The following PPP1R21 variants were observed in gnomAD, a reference collection of about 807,000 sequenced individuals.
PPP1R21 encodes the protein KLRAQ motif containing 1.
In PPP1R21, 85 loss-of-function variants were observed where a neutral mutation model predicts 112.8. That is an observed-to-expected ratio of 0.75 (90% CI 0.63 to 0.90). The LOEUF (loss-of-function observed/expected upper bound fraction) is 0.90, where lower values mean the gene tolerates loss of function less well. Among genes scored for constraint, PPP1R21 ranks in the 40% least tolerant of loss-of-function variants. The pLI is 0.00. For missense variants in PPP1R21, 1,199 were observed against 901.5 expected (o/e 1.33, Z -4.23); for synonymous variants, 381 against 322.3 (o/e 1.18, Z -1.95).
intron 9 of PPP1R21, among the ~76,000 whole-genome samples, chr2:48,470,569 T>A (rs925925969): frequency 6.6e-6 from 1 of 152,106 alleles, no homozygotes; most frequent in Non-Finnish European, 1.5e-5. Flanking sequence ...AATTACATCC[T>A]TGGAATTTGT....
intron 9 of PPP1R21, among the ~76,000 whole-genome samples, chr2:48,468,762 C>T (rs558795872): frequency 6.6e-6 from 1 of 151,746 alleles, no homozygotes; most frequent in East Asian, 1.9e-4. Flanking sequence ...TTGCAGTGAG[C>T]CAAGACTGTG....
At chr2:48,475,767 A>G (rs963519266) in intron 12 of PPP1R21, among the ~76,000 whole-genome samples, 2 of 152,180 alleles carry the variant, frequency 1.3e-5, no homozygotes, top group African/African-American at 4.8e-5. Flanking sequence ...GAATCGCGTG[A>G]GCCTGGGAGG....
At position 48,475,289 on chromosome 2, in the gene PPP1R21, G is replaced by T. The variant is rs564475632; in HGVS notation, c.1225+470G>T. Among the ~76,000 whole-genome samples, 3 of 152,100 alleles carry T rather than the reference G, an allele frequency of 2.0e-5. No individual in the cohort carries two copies. In the South Asian group the frequency reaches 6.2e-4, roughly 32 times the overall value. On this transcript the variant is annotated intron_variant, in intron 12 of 21. Transcript: ENST00000294952. ...GATCACTTGAGCCAAGGAGGTTAAGGCTGCAGTGAGCTATGATCACACCAC... is the reference window on the plus strand; with the variant it reads ...GATCACTTGAGCCAAGGAGGTTAAGTCTGCAGTGAGCTATGATCACACCAC...
At chr2:48,511,149 C>T (rs1407208893) in intron 20 of PPP1R21, among the ~76,000 whole-genome samples, 191 bp from the exon 21 acceptor site, 1 of 152,118 alleles carries the variant, frequency 6.6e-6, no homozygotes. Context: ...ATTTGGAGGT[C>T]CACCACCTCA....
At chr2:48,481,550 T>C (rs1669011850) in intron 13 of PPP1R21, among the ~76,000 whole-genome samples, 1 of 152,236 alleles carries the variant, frequency 6.6e-6, no homozygotes, top group Non-Finnish European at 1.5e-5. Flanking sequence ...CAAGTACCTC[T>C]GTGGCTACAA....
chr2:48,491,985 C>T (rs547656139), intron 15 of PPP1R21, among the ~76,000 whole-genome samples: 46 of 152,266 alleles, frequency 3.0e-4, no homozygotes, highest in African/African-American at 1.1e-3. Context: ...ATGGTGTTTC[C>T]TTCTGTAAAT....
rs555447908 is a variant in PPP1R21, at chr2:48,482,916, C to T, written c.1318+2900C>T. On this transcript the variant is annotated intron_variant, in intron 13 of 21. Coordinates refer to ENST00000294952, the MANE Select transcript of PPP1R21 (RefSeq NM_001135629.3). Reference sequence around the variant, plus strand: ...AGCCCAGCATCCATTTGCCATTCTTCCTGATGCTATCCCTCCTCCCATCCC... The same window carrying T: ...AGCCCAGCATCCATTTGCCATTCTTTCTGATGCTATCCCTCCTCCCATCCC... Among the ~76,000 whole-genome samples the T allele has an allele frequency of 3.5e-4, 53 of 152,222 alleles. 1 individual carries two copies. Among genetic ancestry groups the T allele is most frequent in the African/African-American group, 1.3e-3 (52 of 41,530 alleles).
chr2:48,472,541 A>C (rs1197895418), intron 11 of PPP1R21, among the ~76,000 whole-genome samples: 1 of 148,394 alleles, frequency 6.7e-6, no homozygotes, highest in Non-Finnish European at 1.5e-5. Flanking sequence ...CAGGAGAATC[A>C]CTTGAACCTG....
At chr2:48,454,780 T>G in intron 3 of PPP1R21, 39 bp downstream of exon 3, 2 of 1,514,504 alleles carry the variant, frequency 1.3e-6, no homozygotes, top group Non-Finnish European at 1.8e-6. Flanking sequence ...GACCTTGTCG[T>G]TAGTTACTGA....
chr2:48,476,855 A>G (rs1483794604), intron 12 of PPP1R21, among the ~76,000 whole-genome samples: 1 of 152,062 alleles, frequency 6.6e-6, no homozygotes, highest in Non-Finnish European at 1.5e-5. Flanking sequence ...CACTTATTGG[A>G]TATATGATTT....
chr2:48,469,508 GCATATATATATATATATATATATATAT>G (rs1388228763), intron 9 of PPP1R21, among the ~76,000 whole-genome samples: 61 of 14,760 alleles, frequency 4.1e-3, no homozygotes, highest in African/African-American at 5.1e-3. Context: ...TATATATAGA[GCATATATATATATATATATATATATAT>G]AGAGCATATA....
intron 12 of PPP1R21, among the ~76,000 whole-genome samples, chr2:48,476,049 T>C (rs979047352): frequency 3.9e-5 from 6 of 152,152 alleles, no homozygotes; most frequent in Non-Finnish European, 8.8e-5. Context: ...ACAGTAAATT[T>C]TGGAACACTT....
In PPP1R21 at chr2:48,440,829, C is replaced by CGGT. The variant is rs1366651623; in HGVS notation, c.-123_-122insTGG. On this transcript the variant is annotated 5_prime_UTR_variant, in exon 1 of 22. Transcript: ENST00000294952. ...GGAGGAGGCGCGGCGGCGGCGGCGG[C>CGGT]GGCGGCTGCGGTGGCCAAGCAGGCA... 2.9e-6 allele frequency: 2 copies of CGGT among 686,424 alleles called. No individual in the cohort carries two copies. Among genetic ancestry groups the CGGT allele is most frequent in the Admixed American group, 5.5e-5 (2 of 36,340 alleles). 42.5% of individuals were successfully genotyped at this position (686,424 alleles called of 1,614,324 possible).
At chr2:48,501,682 C>T (rs1465376801) in intron 17 of PPP1R21, among the ~76,000 whole-genome samples, 1 of 152,004 alleles carries the variant, frequency 6.6e-6, no homozygotes, top group African/African-American at 2.4e-5. Flanking sequence ...TGGTAGCCCA[C>T]GCCTGTTGTC....
intron 9 of PPP1R21, among the ~76,000 whole-genome samples, chr2:48,469,431 CATAT>C (rs767862891): frequency 1.0e-4 from 5 of 48,486 alleles, no homozygotes; most frequent in South Asian, 6.0e-4. Context: ...ATATATAGAG[CATAT>C]ATATATATAG....
intron 7 of PPP1R21, among the ~76,000 whole-genome samples, chr2:48,463,400 T>A (rs1668063919): frequency 6.6e-6 from 1 of 152,190 alleles, no homozygotes; most frequent in Non-Finnish European, 1.5e-5. Flanking sequence ...GACTGGATTT[T>A]GTGGCCTCGA....
At chr2:48,454,033 T>A (rs1405209032) in intron 2 of PPP1R21, among the ~76,000 whole-genome samples, 1 of 152,010 alleles carries the variant, frequency 6.6e-6, no homozygotes, top group African/African-American at 2.4e-5. Context: ...CCGAGGCAGG[T>A]GGATCACCTG....
chr2:48,474,630 C>G, intron 11 of PPP1R21, 53 bp from the exon 12 acceptor site: 2 of 1,526,024 alleles, frequency 1.3e-6, no homozygotes, highest in South Asian at 1.2e-5. Context: ...CTGCTAGTAG[C>G]TAATTGAAAA....
chr2:48,482,883 A>C (rs1669087917), intron 13 of PPP1R21, among the ~76,000 whole-genome samples: 2 of 152,056 alleles, frequency 1.3e-5, no homozygotes, highest in Admixed American at 6.6e-5. Flanking sequence ...CCCATCAACT[A>C]GATAGTAAGC....
Sources: gnomAD v4.1 joint callset for allele counts (sites outside exome capture counted in the v4.1 genomes callset) on GRCh38, gnomAD v4.1.1 for gene constraint, MANE v1.5 for transcripts, NCBI Gene and HGNC (gene_info 2026-07-23, HGNC 2026-07-21) for gene names.